Variants in WDR43 observed in about 807,000 individuals in gnomAD.
WDR43 encodes WD repeat-containing protein 43.
A neutral mutation model predicts 91.4 loss-of-function variants in WDR43; 13 were observed. That is an observed-to-expected ratio of 0.14 (90% CI 0.09 to 0.23). WDR43 has a LOEUF of 0.23. WDR43 is among the 10% of genes least tolerant of loss of function. The probability of loss-of-function intolerance (pLI) is 1.00; values close to 1 mark genes in which losing one functional copy is unlikely to be tolerated. For synonymous variants in WDR43, 331 were observed against 287.9 expected, an observed-to-expected ratio of 1.15 and a Z score of -1.51; for missense variants, 780 against 809.4, an observed-to-expected ratio of 0.96 and a Z score of 0.44.
Position 28,938,238 on chromosome 2 carries a change from T to G in WDR43, c.1620+244T>G, listed in dbSNP as rs577902964. Reference sequence around the variant, plus strand: ...CCCCCCGGATGTAAAAATATAGAGATCTTTACAAATACAGAAAGGAGAAAA... The same window carrying G: ...CCCCCCGGATGTAAAAATATAGAGAGCTTTACAAATACAGAAAGGAGAAAA... On this transcript the variant is annotated intron_variant, in intron 14 of 17. Transcript: ENST00000407426. 1.1e-4 allele frequency among the ~76,000 whole-genome samples: 16 copies of G among 152,280 alleles called. No individual in the cohort carries two copies. In the East Asian group the frequency reaches 3.1e-3, roughly 29 times the overall value.
intron 9 of WDR43, 135 bp from the exon 10 acceptor site, chr2:28,927,434 C>A: frequency 9.5e-7 from 1 of 1,055,798 alleles, no homozygotes; most frequent in Non-Finnish European, 1.3e-6. Context: ...TAAAATATAT[C>A]TTAAATTGAT....
At chr2:28,897,201 G>A (rs780154765) in intron 1 of WDR43, among the ~76,000 whole-genome samples, 1 of 152,118 alleles carries the variant, frequency 6.6e-6, no homozygotes, top group Non-Finnish European at 1.5e-5. Flanking sequence ...TATAAACTAA[G>A]GAGAGACAGT....
chr2:28,908,306 A>G (rs1313290610), intron 3 of WDR43, among the ~76,000 whole-genome samples: 2 of 151,802 alleles, frequency 1.3e-5, no homozygotes, highest in East Asian at 3.8e-4. Flanking sequence ...GGGTGGTGCT[A>G]GAGGCTTAGA....
intron 1 of WDR43, among the ~76,000 whole-genome samples, chr2:28,897,260 A>G (rs1265051133): frequency 6.6e-6 from 1 of 152,190 alleles, no homozygotes; most frequent in African/African-American, 2.4e-5. Flanking sequence ...ATAAAATTAA[A>G]AAGTCATATG....
intron 2 of WDR43, among the ~76,000 whole-genome samples, chr2:28,905,569 G>A (rs942581418): frequency 3.2e-4 from 48 of 152,150 alleles, no homozygotes; most frequent in African/African-American, 1.1e-3. Context: ...CTTAAATGCT[G>A]ACTTGGGGTG....
chr2:28,905,663 C>CTTTTTT (rs1434158898), intron 2 of WDR43, among the ~76,000 whole-genome samples: 1 of 129,188 alleles, frequency 7.7e-6, no homozygotes. Flanking sequence ...CTCTCTTCTT[C>CTTTTTT]TCTTTTTTTT....
intron 14 of WDR43, among the ~76,000 whole-genome samples, chr2:28,940,726 T>C (rs1671419877): frequency 1.3e-5 from 2 of 152,224 alleles, no homozygotes; most frequent in African/African-American, 4.8e-5. Flanking sequence ...TCCTTTCATA[T>C]TGTTAAAAAT....
intron 3 of WDR43, among the ~76,000 whole-genome samples, chr2:28,908,982 G>T (rs1466036966): frequency 6.6e-6 from 1 of 151,888 alleles, no homozygotes; most frequent in African/African-American, 2.4e-5. Context: ...TAATTGCTTG[G>T]TTTTCATTTC....
intron 6 of WDR43, among the ~76,000 whole-genome samples, chr2:28,918,505 A>T (rs1670960712): frequency 6.6e-6 from 1 of 151,894 alleles, no homozygotes; most frequent in Admixed American, 6.6e-5. Context: ...AGTAGCTGGG[A>T]TTACAGGCAT....
intron 2 of WDR43, among the ~76,000 whole-genome samples, chr2:28,906,114 A>G (rs1009433920): frequency 2.6e-5 from 4 of 152,148 alleles, no homozygotes; most frequent in Non-Finnish European, 5.9e-5. Flanking sequence ...TTTCTTCTTA[A>G]ATTTTTTTTT....
rs1670591100 is a variant in WDR43 at position 28,902,225 on chromosome 2, G to T, written c.363+101G>T. The T allele has an allele frequency of 5.6e-6, 7 of 1,247,858 alleles. No individual in the cohort carries two copies. In the South Asian group the frequency reaches 1.2e-4, roughly 22 times the overall value. 77.3% of individuals were successfully genotyped at this position (1,247,858 alleles called of 1,614,324 possible). ...CTTCAAGGTATGTGATGGGATCTGTGCAGTAGGGACAGTTTTCAGTCTCAT... is the reference window on the plus strand; with the variant it reads ...CTTCAAGGTATGTGATGGGATCTGTTCAGTAGGGACAGTTTTCAGTCTCAT... On this transcript the variant is annotated intron_variant, in intron 2 of 17. Coordinates refer to ENST00000407426, the MANE Select transcript of WDR43 (RefSeq NM_015131.3).
intron 6 of WDR43, among the ~76,000 whole-genome samples, chr2:28,921,659 A>G (rs894745664): frequency 1.6e-4 from 25 of 152,206 alleles, no homozygotes; most frequent in African/African-American, 6.0e-4. Flanking sequence ...TTGGAGTTGC[A>G]GAACGGGGAA....
chr2:28,927,557 C>T lies in WDR43; in HGVS notation c.1174-12C>T. Reference sequence around the variant, plus strand: ...TTTCCTTTTTCACACTTTGGCTATTCCTGTTGAACAGGTGAGGACACCAGT... The same window carrying T: ...TTTCCTTTTTCACACTTTGGCTATTTCTGTTGAACAGGTGAGGACACCAGT... On this transcript the variant is annotated splice_polypyrimidine_tract_variant and intron_variant, in intron 9 of 17. Coordinates refer to ENST00000407426, the MANE Select transcript of WDR43 (RefSeq NM_015131.3). 2.5e-6 allele frequency: 4 copies of T among 1,611,598 alleles called. No homozygotes were observed. The highest frequency in any genetic ancestry group is 1.1e-5 in the South Asian group (1 of 90,904).
intron 9 of WDR43, chr2:28,927,074 G>T (rs1486478007): frequency 1.9e-6 from 1 of 519,424 alleles, no homozygotes; most frequent in Non-Finnish European, 3.8e-6. Flanking sequence ...GACATGCTAT[G>T]ATGACATCCA....
At chr2:28,936,896 G>T in intron 12 of WDR43, 26 bp from the exon 13 acceptor site, 2 of 1,562,424 alleles carry the variant, frequency 1.3e-6, no homozygotes, top group Non-Finnish European at 1.7e-6. Context: ...AAGTGCTGTT[G>T]TTAATAGTGT....
rs984164767 is a variant in WDR43 at position 28,905,951 on chromosome 2, G to A, written c.364-509G>A. 7.2e-5 allele frequency among the ~76,000 whole-genome samples: 11 copies of A among 152,178 alleles called. No homozygotes were observed. In the East Asian group the frequency reaches 1.7e-3, roughly 24 times the overall value. The stretch of plus-strand genomic sequence containing the variant: ...TGGGATTACAGGCGTGAGCCACCAC[G>A]CCTGCCCTGTTTATCTCATTTATGA... On this transcript the variant is annotated intron_variant, in intron 2 of 17. Coordinates refer to ENST00000407426, the MANE Select transcript of WDR43 (RefSeq NM_015131.3).
In WDR43 at chr2:28,894,690, A is replaced by G; in HGVS notation, c.-9A>G. The G allele has an allele frequency of 6.4e-7, 1 of 1,555,120 alleles. No individual in the cohort carries two copies. Among genetic ancestry groups the G allele is most frequent in the Admixed American group, 1.9e-5 (1 of 51,620 alleles). ...ACGAACACGTGGCTGCAGCGGGGCC[A>G]GAGCAGCAATGGCGGCGGGCGGCGG... is the stretch of plus-strand genomic sequence containing the variant. On this transcript the variant is annotated 5_prime_UTR_variant, in exon 1 of 18. Transcript: ENST00000407426.
intron 9 of WDR43, 189 bp from the exon 10 acceptor site, chr2:28,927,380 C>G (rs1389163675): frequency 1.3e-5 from 9 of 675,286 alleles, no homozygotes; most frequent in Non-Finnish European, 2.1e-5. Flanking sequence ...TTTAAATTCA[C>G]AGTCTTTCAG....
At chr2:28,932,076 C>T (rs1027717042) in intron 11 of WDR43, among the ~76,000 whole-genome samples, 34 of 152,112 alleles carry the variant, frequency 2.2e-4, no homozygotes, top group African/African-American at 7.7e-4. Context: ...ACAGGGTCTG[C>T]TGTGTTGCTC....
Sources: allele counts gnomAD v4.1 joint callset (sites outside exome capture counted in the v4.1 genomes callset), GRCh38; gene constraint gnomAD v4.1.1; transcripts MANE v1.5; gene names NCBI Gene and HGNC (gene_info 2026-07-23, HGNC 2026-07-21).